SNTG1: variants seen among roughly 807,000 people sequenced by gnomAD.
The protein encoded by SNTG1 is gamma-1-syntrophin.
SNTG1 carries 39 observed loss-of-function variants against 74.7 expected under a neutral mutation model. That is an observed-to-expected ratio of 0.52 (90% CI 0.40 to 0.68). The LOEUF (loss-of-function observed/expected upper bound fraction) is 0.68. Among genes scored for constraint, SNTG1 ranks in the 30% least tolerant of loss-of-function variants. The pLI is 0.00. For synonymous variants in SNTG1, 254 were observed against 217.1 expected (o/e 1.17, Z -1.49); for missense variants, 685 against 609.5 (o/e 1.12, Z -1.30).
At chr8:50,596,152 T>C (rs1260474502) in intron 13 of SNTG1, among the ~76,000 whole-genome samples, 1 of 152,046 alleles carries the variant, frequency 6.6e-6, no homozygotes, top group Non-Finnish European at 1.5e-5. Flanking sequence ...GACATTCTAA[T>C]AGATGTGTCA....
At chr8:50,648,785 G>A (rs985654716) in intron 13 of SNTG1, among the ~76,000 whole-genome samples, 1 of 152,080 alleles carries the variant, frequency 6.6e-6, no homozygotes, top group Non-Finnish European at 1.5e-5. Flanking sequence ...ATGTCAAAGA[G>A]AGTCTATTGT....
chr8:50,323,406 T>C lies in SNTG1; in HGVS notation c.-27-70806T>C, dbSNP rs778147614. On this transcript the variant is annotated intron_variant, in intron 2 of 18. Transcript: ENST00000642720. ...CTTGGATGCTGTGGATGATTGTAAA[T>C]GTTCTTTGGTGTCTGGGCATTAAAG... 7.7e-4 allele frequency among the ~76,000 whole-genome samples: 117 copies of C among 152,138 alleles called. 1 individual carries two copies. Among genetic ancestry groups the C allele is most frequent in the Admixed American group, 1.7e-3 (26 of 15,278 alleles).
intron 17 of SNTG1, among the ~76,000 whole-genome samples, chr8:50,720,631 G>A (rs978374643): frequency 6.6e-6 from 1 of 152,136 alleles, no homozygotes; most frequent in Non-Finnish European, 1.5e-5. Context: ...GATTTGGTGG[G>A]ACAGTTTGAT....
intron 1 of SNTG1, among the ~76,000 whole-genome samples, chr8:49,980,641 AT>A (rs1262424648): frequency 1.3e-5 from 2 of 151,234 alleles, no homozygotes; most frequent in African/African-American, 4.9e-5. Context: ...GTGTTCCTGA[AT>A]TTTTTTAATA....
intron 17 of SNTG1, among the ~76,000 whole-genome samples, chr8:50,731,493 T>G (rs2095512940): frequency 6.6e-6 from 1 of 152,130 alleles, no homozygotes; most frequent in Non-Finnish European, 1.5e-5. Flanking sequence ...GAAAAGCTTT[T>G]GACGCCAAAA....
Position 50,536,685 on chromosome 8 carries a change from T to C in SNTG1, c.557T>C (p.Leu186Ser), listed in dbSNP as rs771676369. Reference protein sequence around the residue: ...LNYHPNNTDTLSCSSWPTSPG... With the variant: ...LNYHPNNTDTSSCSSWPTSPG... Reference sequence around the variant, plus strand: ...TATTTATCTTCCTTTCAGGACACATTATCATGCTCGTCGTGGCCGACGTCT... The same window carrying C: ...TATTTATCTTCCTTTCAGGACACATCATCATGCTCGTCGTGGCCGACGTCT... Residue 186 changes from leucine to serine, a missense_variant, in exon 11 of 19, where the codon TTA (leucine) becomes TCA (serine). By Grantham distance (145) the Leu-to-Ser change is moderately radical. Transcript: ENST00000642720. 96 of 1,613,706 alleles carry C rather than the reference T, an allele frequency of 5.9e-5. No homozygotes were observed. In the East Asian group the frequency reaches 2.0e-3, roughly 34 times the overall value.
intron 1 of SNTG1, among the ~76,000 whole-genome samples, chr8:50,146,582 T>C (rs979531156): frequency 5.9e-5 from 9 of 152,020 alleles, no homozygotes; most frequent in Admixed American, 5.9e-4. Flanking sequence ...GAATTCTAGG[T>C]TGAAAGGTAA....
chr8:50,755,942 A>G (rs755672013), intron 18 of SNTG1, among the ~76,000 whole-genome samples: 1 of 151,710 alleles, frequency 6.6e-6, no homozygotes, highest in African/African-American at 2.4e-5. Flanking sequence ...CCCATTTTTA[A>G]TATTTTCATA....
At chr8:50,653,510 C>G (rs180834267) in intron 13 of SNTG1, among the ~76,000 whole-genome samples, 1 of 152,304 alleles carries the variant, frequency 6.6e-6, no homozygotes, top group Admixed American at 6.5e-5. Context: ...GTTTTGATTA[C>G]ATTCTACCAC....
In SNTG1 at chr8:50,794,286, C is replaced by A. The variant is rs1304954818; in HGVS notation, c.*1457C>A. 6.6e-6 allele frequency: 1 copy of A among 151,276 alleles called. No homozygotes were observed. Among genetic ancestry groups the A allele is most frequent in the African/African-American group, 2.4e-5 (1 of 41,128 alleles). The allele number at this position is 151,276 out of a possible 1,614,324, so 9.4% of individuals were successfully genotyped here. On this transcript the variant is annotated 3_prime_UTR_variant, in exon 19 of 19. Coordinates refer to ENST00000642720, the MANE Select transcript of SNTG1 (RefSeq NM_018967.5). ...GAAACAAAGTGATTTCTATAAAGGACAGATTTACTAATTTAAAAAATTAAT... is the reference window on the plus strand; with the variant it reads ...GAAACAAAGTGATTTCTATAAAGGAAAGATTTACTAATTTAAAAAATTAAT...
chr8:49,922,768 C>A (rs774394940), intron 1 of SNTG1, among the ~76,000 whole-genome samples: 3 of 152,038 alleles, frequency 2.0e-5, no homozygotes, highest in African/African-American at 7.2e-5. Context: ...ATAATCAAAT[C>A]TTTTATTTTT....
intron 13 of SNTG1, among the ~76,000 whole-genome samples, chr8:50,636,000 G>A (rs1175005925): frequency 1.3e-5 from 2 of 151,828 alleles, no homozygotes; most frequent in Non-Finnish European, 2.9e-5. Context: ...TAATGAGCAG[G>A]TGATGAATCC....
At chr8:50,215,755 T>C (rs2084760050) in intron 2 of SNTG1, among the ~76,000 whole-genome samples, 2 of 152,030 alleles carry the variant, frequency 1.3e-5, no homozygotes, top group Admixed American at 1.3e-4. Context: ...CCAATCACTT[T>C]CAAACTTTCT....
At chr8:50,782,771 G>T (rs1430425754) in intron 18 of SNTG1, among the ~76,000 whole-genome samples, 1 of 152,184 alleles carries the variant, frequency 6.6e-6, no homozygotes, top group Admixed American at 6.5e-5. Flanking sequence ...TTTGGAGGAA[G>T]AGAGGTGCTC....
intron 5 of SNTG1, among the ~76,000 whole-genome samples, chr8:50,440,182 C>A (rs2093345543): frequency 6.6e-6 from 1 of 151,628 alleles, no homozygotes; most frequent in Non-Finnish European, 1.5e-5. Flanking sequence ...GAGCTATGAT[C>A]AATATCTTAT....
chr8:50,364,874 T>G (rs76811414), intron 2 of SNTG1, among the ~76,000 whole-genome samples: 7,188 of 152,150 alleles, frequency 0.047, 222 homozygotes, highest in Middle Eastern at 0.11. Context: ...AATTATGTGT[T>G]TTGGAAAAAG....
chr8:50,641,654 C>A (rs560780312), intron 13 of SNTG1, among the ~76,000 whole-genome samples: 1 of 152,320 alleles, frequency 6.6e-6, no homozygotes, highest in South Asian at 2.1e-4. Flanking sequence ...TTTATCAACC[C>A]CACAAATGAA....
chr8:50,145,285 A>G (rs1404673202), intron 1 of SNTG1, among the ~76,000 whole-genome samples: 1 of 152,198 alleles, frequency 6.6e-6, no homozygotes, highest in African/African-American at 2.4e-5. Context: ...CTTGAAACAG[A>G]TAAATATGAA....
chr8:50,047,315 G>A (rs548756142), intron 1 of SNTG1, among the ~76,000 whole-genome samples: 1 of 151,858 alleles, frequency 6.6e-6, no homozygotes, highest in Non-Finnish European at 1.5e-5. Context: ...CTCTAGCCTT[G>A]GTGACACAGA....
Sources: gnomAD v4.1 joint callset for allele counts (sites outside exome capture counted in the v4.1 genomes callset) on GRCh38, gnomAD v4.1.1 for gene constraint, MANE v1.5 for transcripts, NCBI Gene and HGNC (gene_info 2026-07-23, HGNC 2026-07-21) for gene names.